Variants in PDE4B observed in about 807,000 individuals in gnomAD.
PDE4B encodes phosphodiesterase 4B.
In PDE4B, 20 loss-of-function variants were observed where a neutral mutation model predicts 82.2. The ratio of observed to expected loss-of-function variants is 0.24; its 90% CI spans 0.17 to 0.35. The LOEUF (loss-of-function observed/expected upper bound fraction) is 0.35, where lower values mean the gene tolerates loss of function less well. PDE4B is among the 10% of genes least tolerant of loss of function. The pLI is 1.00. For missense variants in PDE4B, 655 were observed against 907.2 expected, an observed-to-expected ratio of 0.72 and a Z score of 3.57; for synonymous variants, 320 against 318.9, an observed-to-expected ratio of 1.00 and a Z score of -0.04.
At chr1:66,259,939 T>C (rs967794054) in intron 6 of PDE4B, among the ~76,000 whole-genome samples, 2 of 152,188 alleles carry the variant, frequency 1.3e-5, no homozygotes, top group Non-Finnish European at 2.9e-5. Context: ...TTACTCTCTC[T>C]ATATCTCAGT....
chr1:65,858,555 T>C (rs1458029795), intron 1 of PDE4B, among the ~76,000 whole-genome samples: 1 of 152,200 alleles, frequency 6.6e-6, no homozygotes, highest in African/African-American at 2.4e-5. Flanking sequence ...AAATATGACA[T>C]TCGATGTTGA....
intron 1 of PDE4B, among the ~76,000 whole-genome samples, chr1:65,887,834 A>G (rs1382292856): frequency 6.6e-6 from 1 of 151,934 alleles, no homozygotes. Flanking sequence ...AGTTCCTTCT[A>G]TATCTGGATA....
intron 3 of PDE4B, among the ~76,000 whole-genome samples, chr1:65,984,726 A>C (rs1271447251): frequency 1.3e-5 from 2 of 152,268 alleles, no homozygotes; most frequent in East Asian, 3.9e-4. Context: ...CTGCACTTCC[A>C]GCCTGGGTGA....
At chr1:65,968,045 G>C (rs1649939480) in intron 3 of PDE4B, among the ~76,000 whole-genome samples, 1 of 151,926 alleles carries the variant, frequency 6.6e-6, no homozygotes, top group Non-Finnish European at 1.5e-5. Flanking sequence ...ATGCATACTT[G>C]ATTGAGCTAG....
At chr1:65,883,805 T>G (rs1248305642) in intron 1 of PDE4B, among the ~76,000 whole-genome samples, 2 of 152,060 alleles carry the variant, frequency 1.3e-5, no homozygotes, top group East Asian at 1.9e-4. Context: ...GTCATAAATA[T>G]CTCTTATTAT....
At chr1:66,239,312 C>G (rs1381156113) in intron 3 of PDE4B, among the ~76,000 whole-genome samples, 2 of 152,026 alleles carry the variant, frequency 1.3e-5, no homozygotes, top group South Asian at 2.1e-4. Flanking sequence ...AAAGCCACCC[C>G]CCTCCCTGGC....
intron 3 of PDE4B, among the ~76,000 whole-genome samples, chr1:65,973,602 T>C (rs932877626): frequency 2.6e-5 from 4 of 152,154 alleles, no homozygotes; most frequent in African/African-American, 9.7e-5. Flanking sequence ...TTAACAAATA[T>C]TCCAGCGCTA....
intron 3 of PDE4B, among the ~76,000 whole-genome samples, chr1:66,171,992 G>A (rs909582528): frequency 6.6e-6 from 1 of 152,132 alleles, no homozygotes; most frequent in Non-Finnish European, 1.5e-5. Flanking sequence ...GAGTATATGT[G>A]CAGGTTTGTT....
At chr1:66,368,755 T>C in intron 15 of PDE4B, 32 bp from the exon 16 acceptor site, 2 of 1,478,914 alleles carry the variant, frequency 1.4e-6, no homozygotes, top group Non-Finnish European at 1.8e-6. Context: ...TACACCTAAT[T>C]TTATGAGATT....
intron 3 of PDE4B, among the ~76,000 whole-genome samples, chr1:66,091,674 A>T (rs1374758696): frequency 6.6e-6 from 1 of 152,046 alleles, no homozygotes; most frequent in Non-Finnish European, 1.5e-5. Context: ...AAAATAGCAG[A>T]GTTGTAGTTG....
chr1:66,099,487 T>C (rs1175084022), intron 3 of PDE4B, among the ~76,000 whole-genome samples: 1 of 152,118 alleles, frequency 6.6e-6, no homozygotes, highest in African/African-American at 2.4e-5. Context: ...TTTTTGGTAG[T>C]TTTGACTCTT....
rs984053790 is a variant in PDE4B at position 66,271,127 on chromosome 1, C to T, written c.634+5040C>T. On this transcript the variant is annotated intron_variant, in intron 7 of 16. Coordinates refer to ENST00000341517, the MANE Select transcript of PDE4B (RefSeq NM_002600.4). ...ATATCTAAAATTAAGTATTGGTACT[C>T]GCAAAAACATTAATACCTCAGCTAA... Among the ~76,000 whole-genome samples, 8 of 152,228 alleles carry T rather than the reference C, an allele frequency of 5.3e-5. No individual in the cohort carries two copies. In the South Asian group the frequency reaches 1.0e-3, roughly 20 times the overall value.
intron 7 of PDE4B, among the ~76,000 whole-genome samples, chr1:66,305,876 G>A (rs932661781): frequency 1.3e-5 from 2 of 152,034 alleles, no homozygotes; most frequent in Admixed American, 1.3e-4. Context: ...AAGGTGACAG[G>A]CCTCCATTCT....
rs958296200 is a variant in PDE4B at position 66,374,368 on chromosome 1, G to A, written c.*1690G>A. ...TTGTAAAATATGTTTCATGCTTTCA[G>A]TTCAGCATTGTGACTCAGTAATTAC... On this transcript the variant is annotated 3_prime_UTR_variant, in exon 17 of 17. Coordinates refer to ENST00000341517, the MANE Select transcript of PDE4B (RefSeq NM_002600.4). 2.6e-5 allele frequency: 4 copies of A among 152,630 alleles called. No individual in the cohort carries two copies. Among genetic ancestry groups the A allele is most frequent in the Non-Finnish European group, 5.9e-5 (4 of 68,042 alleles). The allele number at this position is 152,630 out of a possible 1,614,324, so 9.5% of individuals were successfully genotyped here. A position where few individuals can be genotyped will look rare whatever the true frequency, so the allele number is the denominator to read the frequency against.
intron 7 of PDE4B, among the ~76,000 whole-genome samples, chr1:66,281,978 G>C (rs897650597): frequency 6.6e-6 from 1 of 152,154 alleles, no homozygotes; most frequent in Non-Finnish European, 1.5e-5. Flanking sequence ...GCCTTGTTTG[G>C]CTCAGAAGCC....
At chr1:65,969,538 A>C (rs1650022291) in intron 3 of PDE4B, among the ~76,000 whole-genome samples, 1 of 152,182 alleles carries the variant, frequency 6.6e-6, no homozygotes, top group African/African-American at 2.4e-5. Flanking sequence ...TTAGCTTAGC[A>C]ATGTATTTAG....
At chr1:66,152,612 A>G (rs1646421751) in intron 3 of PDE4B, 1 of 113,762 alleles carries the variant, frequency 8.8e-6, no homozygotes, top group East Asian at 2.2e-4. Context: ...GTATACACAT[A>G]TATATATTTA....
intron 1 of PDE4B, among the ~76,000 whole-genome samples, chr1:65,887,306 T>TCCCTC (rs1646797697): frequency 9.6e-6 from 1 of 103,650 alleles, no homozygotes; most frequent in African/African-American, 3.7e-5. Context: ...TCTCTTTCCC[T>TCCCTC]CCCTCCCTCC....
At chr1:66,277,367 ATTTAT>A (rs914065902) in intron 7 of PDE4B, among the ~76,000 whole-genome samples, 14 of 152,046 alleles carry the variant, frequency 9.2e-5, no homozygotes, top group African/African-American at 1.9e-4. Flanking sequence ...TATGCATTCT[ATTTAT>A]TTTATTTTAT....
Sources: gnomAD v4.1 joint callset for allele counts (sites outside exome capture counted in the v4.1 genomes callset) on GRCh38, gnomAD v4.1.1 for gene constraint, MANE v1.5 for transcripts, NCBI Gene and HGNC (gene_info 2026-07-23, HGNC 2026-07-21) for gene names.